The following NEGR1 variants were observed in gnomAD, a reference collection of about 807,000 sequenced individuals.
NEGR1 encodes the protein neuronal growth regulator 1.
A neutral mutation model predicts 40.9 loss-of-function variants in NEGR1; 10 were observed. The observed-to-expected ratio is 0.24, with a 90% CI of 0.15 to 0.42. NEGR1 has a LOEUF of 0.42. Ranked by LOEUF, NEGR1 falls within the 10% of genes least tolerant of loss-of-function variation. NEGR1 has a pLI of 1.00. For synonymous variants in NEGR1, 185 were observed against 166.8 expected (o/e 1.11, Z -0.84); for missense variants, 352 against 438.9 (o/e 0.80, Z 1.77).
At chr1:71,716,474 A>G (rs1443906417) in intron 3 of NEGR1, among the ~76,000 whole-genome samples, 1 of 152,150 alleles carries the variant, frequency 6.6e-6, no homozygotes, top group African/African-American at 2.4e-5. Flanking sequence ...TCCAAACTGT[A>G]TGATAGCAGT....
chr1:71,718,883 C>T (rs1654364563), intron 3 of NEGR1, among the ~76,000 whole-genome samples: 1 of 152,074 alleles, frequency 6.6e-6, no homozygotes, highest in Non-Finnish European at 1.5e-5. Flanking sequence ...TAAGAGTGTG[C>T]CTATTTGTAC....
intron 2 of NEGR1, among the ~76,000 whole-genome samples, chr1:71,809,671 T>C (rs1169069737): frequency 6.6e-6 from 1 of 152,154 alleles, no homozygotes; most frequent in African/African-American, 2.4e-5. Flanking sequence ...ATTCTCTGAC[T>C]TCATAGTATT....
chr1:71,809,600 T>C (rs999121315), intron 2 of NEGR1, among the ~76,000 whole-genome samples: 5 of 152,264 alleles, frequency 3.3e-5, no homozygotes, highest in Admixed American at 2.0e-4. Context: ...TTTTCAAAGG[T>C]ATCCATAGCA....
chr1:71,913,271 C>G (rs928535336), intron 2 of NEGR1, among the ~76,000 whole-genome samples: 1 of 151,974 alleles, frequency 6.6e-6, no homozygotes, highest in Admixed American at 6.6e-5. Flanking sequence ...CCTGCCACCA[C>G]GCCCAGCTAA....
intron 2 of NEGR1, among the ~76,000 whole-genome samples, chr1:71,855,246 A>G (rs886127561): frequency 6.6e-6 from 1 of 152,136 alleles, no homozygotes; most frequent in African/African-American, 2.4e-5. Flanking sequence ...TTCTTTCAAT[A>G]AACTCAAATC....
intron 1 of NEGR1, among the ~76,000 whole-genome samples, chr1:72,041,030 T>C (rs1257096270): frequency 2.6e-5 from 4 of 152,044 alleles, no homozygotes; most frequent in African/African-American, 4.8e-5. Context: ...TAGTTCTTAA[T>C]TGGAATTGTA....
chr1:72,195,256 T>C (rs972962967), intron 1 of NEGR1, among the ~76,000 whole-genome samples: 3 of 152,004 alleles, frequency 2.0e-5, no homozygotes, highest in South Asian at 2.1e-4. Context: ...GCTCTTAGTG[T>C]TGTTTATTAC....
chr1:71,745,641 G>A (rs1182887896), intron 3 of NEGR1, among the ~76,000 whole-genome samples: 1 of 152,142 alleles, frequency 6.6e-6, no homozygotes, highest in African/African-American at 2.4e-5. Flanking sequence ...TCAGACCAGG[G>A]AATGATGGGC....
At chr1:72,088,896 C>T (rs1322713090) in intron 1 of NEGR1, among the ~76,000 whole-genome samples, 4 of 149,464 alleles carry the variant, frequency 2.7e-5, no homozygotes, top group African/African-American at 9.9e-5. Context: ...CTGCAACCTC[C>T]GCATCCGGGT....
chr1:71,448,814 T>C (rs1646602648), intron 6 of NEGR1, among the ~76,000 whole-genome samples: 1 of 152,120 alleles, frequency 6.6e-6, no homozygotes, highest in Admixed American at 6.5e-5. Context: ...ATAGTAAACA[T>C]TGTAGGTCAT....
At chr1:71,784,448 C>T (rs887000135) in intron 2 of NEGR1, among the ~76,000 whole-genome samples, 5 of 152,018 alleles carry the variant, frequency 3.3e-5, no homozygotes, top group Admixed American at 2.6e-4. Flanking sequence ...AACTTGCATC[C>T]ATTTTCAAAC....
intron 1 of NEGR1, among the ~76,000 whole-genome samples, chr1:72,042,835 C>T (rs1646968093): frequency 6.6e-6 from 1 of 151,948 alleles, no homozygotes. Context: ...TTACCTTAGA[C>T]CATTTAGAAA....
intron 1 of NEGR1, among the ~76,000 whole-genome samples, chr1:72,244,254 T>C (rs189260311): frequency 2.4e-3 from 363 of 151,950 alleles, no homozygotes; most frequent in Admixed American, 7.4e-3. Flanking sequence ...CTTTTGGAAT[T>C]TTCGTCTCTT....
chr1:72,108,780 C>T (rs1434696786), intron 1 of NEGR1, among the ~76,000 whole-genome samples: 1 of 151,510 alleles, frequency 6.6e-6, no homozygotes, highest in Non-Finnish European at 1.5e-5. Context: ...AACAATGAAC[C>T]GAGCCTCCTA....
intron 6 of NEGR1, among the ~76,000 whole-genome samples, chr1:71,453,808 G>A (rs1022962759): frequency 5.9e-5 from 9 of 152,162 alleles, no homozygotes; most frequent in African/African-American, 2.2e-4. Context: ...CATGAACTCT[G>A]GAATGGTTCT....
chr1:71,852,495 T>G (rs752115377), intron 2 of NEGR1, among the ~76,000 whole-genome samples: 7 of 152,140 alleles, frequency 4.6e-5, no homozygotes, highest in Non-Finnish European at 8.8e-5. Flanking sequence ...AGCCTACGCA[T>G]GCCACAATCT....
intron 1 of NEGR1, among the ~76,000 whole-genome samples, chr1:72,213,842 G>T (rs967821053): frequency 6.6e-6 from 1 of 151,980 alleles, no homozygotes; most frequent in Non-Finnish European, 1.5e-5. Flanking sequence ...AGAAAAAGAG[G>T]AACTTCTCCC....
intron 1 of NEGR1, among the ~76,000 whole-genome samples, chr1:71,971,839 T>C (rs973790416): frequency 6.6e-6 from 1 of 152,224 alleles, no homozygotes; most frequent in Non-Finnish European, 1.5e-5. Flanking sequence ...TTTATCATAA[T>C]ATTTTCAAAT....
At chr1:71,645,974 T>A (rs1651516435) in intron 4 of NEGR1, among the ~76,000 whole-genome samples, 1 of 151,768 alleles carries the variant, frequency 6.6e-6, no homozygotes, top group Admixed American at 6.6e-5. Context: ...CAGAATTTTA[T>A]CCTATCCTTC....
Sources: allele counts gnomAD v4.1 joint callset (sites outside exome capture counted in the v4.1 genomes callset), GRCh38; gene constraint gnomAD v4.1.1; transcripts MANE v1.5; gene names NCBI Gene and HGNC (gene_info 2026-07-23, HGNC 2026-07-21).